Variants in CKAP5 observed in about 807,000 individuals in gnomAD.
The protein encoded by CKAP5 is cytoskeleton associated protein 5, also known as cytoskeleton-associated protein 5.
Under a neutral mutation model 232.8 loss-of-function variants are expected in CKAP5, and 27 were observed. The observed-to-expected ratio is 0.12, with a 90% CI of 0.09 to 0.16. The LOEUF is 0.16. CKAP5 is among the 10% of genes least tolerant of loss of function. CKAP5 has a pLI of 1.00. For missense variants in CKAP5, 1,838 were observed against 2,424.7 expected, an observed-to-expected ratio of 0.76 and a Z score of 5.08; for synonymous variants, 785 against 841.1, an observed-to-expected ratio of 0.93 and a Z score of 1.16.
rs1339429963 is a variant in CKAP5 at position 46,790,534 on chromosome 11, C to T, written c.1700G>A (p.Gly567Glu). Residue 567 changes from glycine (G) to glutamate (E), a missense_variant, in exon 14 of 44, where the codon GGG becomes GAG. By Grantham distance (98) the Gly-to-Glu change is moderately conservative (BLOSUM62 -2). Around this residue, in one of 6 missense-constraint regions of CKAP5, gnomAD observed 767 missense variants for 954.6 expected, o/e 0.80. Coordinates refer to ENST00000529230, the MANE Select transcript of CKAP5 (RefSeq NM_001008938.4). Reference protein sequence around the residue: ...KGKPAAPGGAGNTGTKNKKGL... With the variant: ...KGKPAAPGGAENTGTKNKKGL... Reference sequence around the variant, plus strand: ...TTTCTTGTTCTTGGTTCCAGTATTCCCTGCGCCTCCTGGTGCAGCTGGTTT... The same window carrying T: ...TTTCTTGTTCTTGGTTCCAGTATTCTCTGCGCCTCCTGGTGCAGCTGGTTT... 6.2e-7 allele frequency: 1 copy of T among 1,614,084 alleles called. No homozygotes were observed. The highest frequency in any genetic ancestry group is 1.1e-5 in the South Asian group (1 of 91,078).
At chr11:46,751,569 T>G in intron 38 of CKAP5, 35 bp from the exon 39 acceptor site, 3 of 1,523,878 alleles carry the variant, frequency 2.0e-6, no homozygotes, top group Non-Finnish European at 2.7e-6. Context: ...TAGGAGTGAC[T>G]GAAGAATGAG....
intron 1 of CKAP5, among the ~76,000 whole-genome samples, chr11:46,822,407 G>GA (rs1475486783): frequency 1.3e-5 from 2 of 152,098 alleles, no homozygotes; most frequent in Admixed American, 6.5e-5. Flanking sequence ...AAAAGGCCAA[G>GA]AAAAAAGTTT....
chr11:46,744,654 CA>C, intron 42 of CKAP5, 77 bp from the exon 43 acceptor site: 1 of 1,323,874 alleles, frequency 7.6e-7, no homozygotes, highest in Non-Finnish European at 1.1e-6. Flanking sequence ...AATCTCCCAC[CA>C]AAAAGAACAA....
intron 20 of CKAP5, among the ~76,000 whole-genome samples, chr11:46,779,680 T>C (rs2065322363): frequency 6.6e-6 from 1 of 152,032 alleles, no homozygotes. Flanking sequence ...AGTACAGTGG[T>C]ACAAACATGG....
At chr11:46,844,814 G>C (rs1044974309) in intron 1 of CKAP5, among the ~76,000 whole-genome samples, 1 of 151,466 alleles carries the variant, frequency 6.6e-6, no homozygotes, top group African/African-American at 2.4e-5. Flanking sequence ...GCCATTTTTT[G>C]TATTTTTAGT....
At chr11:46,753,242 T>C (rs763294001) in intron 37 of CKAP5, 68 bp downstream of exon 37, 1 of 1,299,084 alleles carries the variant, frequency 7.7e-7, no homozygotes, top group Non-Finnish European at 1.1e-6. Context: ...CTTACGGACA[T>C]TATGGTTTCT....
At chr11:46,822,312 G>A (rs1050384481) in intron 1 of CKAP5, among the ~76,000 whole-genome samples, 2 of 151,988 alleles carry the variant, frequency 1.3e-5, no homozygotes, top group Non-Finnish European at 2.9e-5. Flanking sequence ...TCTAAAAAAT[G>A]ATGCTTTTAT....
chr11:46,744,360 G>A, intron 43 of CKAP5, 66 bp downstream of exon 43: 1 of 1,612,612 alleles, frequency 6.2e-7, no homozygotes, highest in Admixed American at 1.7e-5. Flanking sequence ...TTCTCTGTGG[G>A]CCAGCCTGCC....
intron 2 of CKAP5, chr11:46,820,646 A>G (rs1446797868): frequency 6.6e-6 from 1 of 152,126 alleles, no homozygotes; most frequent in African/African-American, 2.4e-5. Flanking sequence ...ATAGTTGGGG[A>G]AAAAATAAGA....
rs555832016 is a variant in CKAP5, at chr11:46,757,787, C to A, written c.4689+1136G>T. Among the ~76,000 whole-genome samples, 4 of 151,530 alleles carry A rather than the reference C, an allele frequency of 2.6e-5. No homozygotes were observed. In the South Asian group the frequency reaches 8.3e-4, roughly 32 times the overall value. On this transcript the variant is annotated intron_variant, in intron 35 of 43. Coordinates refer to ENST00000529230, the MANE Select transcript of CKAP5 (RefSeq NM_001008938.4). Reference sequence around the variant, plus strand: ...ATTTTTAGTAGAGACGGGGTTTCACCACATTGGCCAGGCTGGTCTCGAACT... The same window carrying A: ...ATTTTTAGTAGAGACGGGGTTTCACAACATTGGCCAGGCTGGTCTCGAACT...
In CKAP5 at chr11:46,793,102, G is replaced by T. The variant is rs192045512; in HGVS notation, c.1650+2492C>A. Among the ~76,000 whole-genome samples, 10 of 152,316 alleles carry T rather than the reference G, an allele frequency of 6.6e-5. No individual in the cohort carries two copies. The East Asian group carries it at 1.5e-3, about 23-fold the overall frequency. On this transcript the variant is annotated intron_variant, in intron 13 of 43. Transcript: ENST00000529230. ...ATCCTTTAAAAGCTTACAATATGGT[G>T]TGGGGATACAGTAAACAAAACAATC...
At chr11:46,762,392 G>A (rs1459165069) in intron 31 of CKAP5, 199 bp from the exon 32 acceptor site, 3 of 844,584 alleles carry the variant, frequency 3.6e-6, no homozygotes, top group South Asian at 2.7e-5. Flanking sequence ...AGATGCCTGT[G>A]AGTCAGATGG....
intron 1 of CKAP5, among the ~76,000 whole-genome samples, chr11:46,834,797 C>T (rs756335103): frequency 1.3e-5 from 2 of 151,966 alleles, no homozygotes; most frequent in Admixed American, 6.6e-5. Context: ...TTTTTATGTA[C>T]TGGATAGAGA....
chr11:46,808,687 C>T (rs953441954), intron 7 of CKAP5, among the ~76,000 whole-genome samples: 7 of 152,150 alleles, frequency 4.6e-5, no homozygotes, highest in South Asian at 2.1e-4. Flanking sequence ...ATGCCATAGA[C>T]GTTTCATTCT....
chr11:46,841,489 G>C lies in CKAP5; in HGVS notation c.-38+4731C>G, dbSNP rs565006748. 1.8e-3 allele frequency among the ~76,000 whole-genome samples: 269 copies of C among 152,200 alleles called. 2 individuals are homozygous for C. The highest frequency in any genetic ancestry group is 1.8e-3 in the Non-Finnish European group (119 of 67,996). ...AATTGGGATTTGCTAGAATGACTTG[G>C]CTCACAGACACATATGGTTTGGGAA... On this transcript the variant is annotated intron_variant, in intron 1 of 43. Coordinates refer to ENST00000529230, the MANE Select transcript of CKAP5 (RefSeq NM_001008938.4).
chr11:46,777,953 T>C (rs1281629491), intron 22 of CKAP5, among the ~76,000 whole-genome samples, 186 bp downstream of exon 22: 1 of 152,208 alleles, frequency 6.6e-6, no homozygotes, highest in Admixed American at 6.6e-5. Context: ...TCATAAAAAT[T>C]TGATGAATAA....
At chr11:46,771,978 A>T (rs1461768369) in intron 24 of CKAP5, among the ~76,000 whole-genome samples, 1 of 150,670 alleles carries the variant, frequency 6.6e-6, no homozygotes, top group East Asian at 1.9e-4. Context: ...TTGTATAGTG[A>T]TATTTCAACA....
At chr11:46,816,583 G>C (rs1351621426) in intron 3 of CKAP5, among the ~76,000 whole-genome samples, 179 bp from the exon 4 acceptor site, 1 of 151,962 alleles carries the variant, frequency 6.6e-6, no homozygotes, top group Admixed American at 6.6e-5. Context: ...AAAATTTTAA[G>C]ACATGTCATA....
At chr11:46,760,924 T>G in intron 32 of CKAP5, 140 bp from the exon 33 acceptor site, 1 of 704,268 alleles carries the variant, frequency 1.4e-6, no homozygotes, top group Non-Finnish European at 2.3e-6. Context: ...TATTAATACC[T>G]GCCTAGCTGC....
Sources: gnomAD v4.1 joint callset for allele counts (sites outside exome capture counted in the v4.1 genomes callset) on GRCh38, gnomAD v4.1.1 for gene constraint, gnomAD v4.1.1 regional missense constraint, MANE v1.5 for transcripts, NCBI Gene and HGNC (gene_info 2026-07-23, HGNC 2026-07-21) for gene names.